Variants in KSR2 observed in about 807,000 individuals in gnomAD.
The protein encoded by KSR2 is kinase suppressor of ras 2.
Under a neutral mutation model 107.8 loss-of-function variants are expected in KSR2, and 25 were observed. That is an observed-to-expected ratio of 0.23 (90% CI 0.17 to 0.32). KSR2 has a LOEUF of 0.32. Among genes scored for constraint, KSR2 ranks in the 10% least tolerant of loss-of-function variants. KSR2 has a pLI of 1.00. For missense variants in KSR2, 887 were observed against 1,268.9 expected, an observed-to-expected ratio of 0.70 and a Z score of 4.57; for synonymous variants, 480 against 507.0, an observed-to-expected ratio of 0.95 and a Z score of 0.71.
intron 16 of KSR2, among the ~76,000 whole-genome samples, chr12:117,481,197 T>G (rs142973091): frequency 7.7e-4 from 118 of 152,292 alleles, no homozygotes; most frequent in Admixed American, 1.8e-3. Context: ...GTGAGGAAAC[T>G]AAGGATCAGG....
At chr12:117,579,083 T>A (rs1206080695) in intron 7 of KSR2, 36 bp downstream of exon 7, 2 of 1,472,028 alleles carry the variant, frequency 1.4e-6, no homozygotes, top group East Asian at 4.5e-5. Flanking sequence ...TGACATCGGG[T>A]GCTGCGAAAA....
intron 10 of KSR2, among the ~76,000 whole-genome samples, chr12:117,535,016 C>G (rs1248120228): frequency 6.6e-6 from 1 of 152,152 alleles, no homozygotes; most frequent in Non-Finnish European, 1.5e-5. Context: ...GATAATAAAC[C>G]TGTGTGCTTT....
intron 4 of KSR2, among the ~76,000 whole-genome samples, chr12:117,701,965 G>C (rs893458864): frequency 2.0e-5 from 3 of 152,196 alleles, no homozygotes; most frequent in Non-Finnish European, 4.4e-5. Context: ...GGGGTAATTT[G>C]TTATAGGAGC....
intron 1 of KSR2, among the ~76,000 whole-genome samples, chr12:117,952,178 CACACACAT>C (rs1424961961): frequency 3.3e-5 from 5 of 151,478 alleles, no homozygotes; most frequent in African/African-American, 7.3e-5. Context: ...CACACACACA[CACACACAT>C]ACACATACAC....
intron 1 of KSR2, among the ~76,000 whole-genome samples, chr12:117,884,025 T>C (rs540165100): frequency 6.6e-6 from 1 of 152,220 alleles, no homozygotes; most frequent in East Asian, 1.9e-4. Flanking sequence ...AGTGACATTA[T>C]CTGATAAAAC....
chr12:117,643,304 G>A (rs763586817), intron 5 of KSR2, among the ~76,000 whole-genome samples: 16 of 152,060 alleles, frequency 1.1e-4, no homozygotes, highest in Admixed American at 2.0e-4. Context: ...AAAATTAGCC[G>A]GGCATGGTGG....
intron 4 of KSR2, among the ~76,000 whole-genome samples, chr12:117,699,099 A>G (rs548503815): frequency 1.3e-5 from 2 of 152,286 alleles, no homozygotes; most frequent in South Asian, 4.1e-4. Flanking sequence ...CATTTTGTCT[A>G]TTCATTGGTT....
chr12:117,543,450 G>A (rs1198966909), intron 9 of KSR2, among the ~76,000 whole-genome samples: 1 of 152,138 alleles, frequency 6.6e-6, no homozygotes, highest in Non-Finnish European at 1.5e-5. Context: ...TATATAAGAA[G>A]TCTTGAGATC....
intron 5 of KSR2, among the ~76,000 whole-genome samples, chr12:117,662,331 C>T (rs985120288): frequency 6.6e-6 from 1 of 152,162 alleles, no homozygotes; most frequent in African/African-American, 2.4e-5. Flanking sequence ...GGCCTTAAGC[C>T]TCATTAAACC....
In KSR2 at chr12:117,757,857, G is replaced by A. The variant is rs187992815; in HGVS notation, c.986+3154C>T. On this transcript the variant is annotated intron_variant, in intron 4 of 19. Transcript: ENST00000339824. The stretch of plus-strand genomic sequence containing the variant: ...CTATGTACTGGGAAACCCAAAATTC[G>A]TGTCATTCACTTTGGGATCTTTATC... 7.9e-5 allele frequency among the ~76,000 whole-genome samples: 12 copies of A among 152,246 alleles called. No homozygotes were observed. In the East Asian group the frequency reaches 9.6e-4, roughly 12 times the overall value.
intron 16 of KSR2, 129 bp from the exon 17 acceptor site, chr12:117,476,724 AC>A: frequency 1.0e-6 from 1 of 978,512 alleles, no homozygotes; most frequent in Non-Finnish European, 1.4e-6. Flanking sequence ...GCACTGCCTG[AC>A]CACCTACTGG....
At chr12:117,521,640 C>T (rs2137227111) in intron 14 of KSR2, among the ~76,000 whole-genome samples, 2 of 152,342 alleles carry the variant, frequency 1.3e-5, no homozygotes, top group South Asian at 4.1e-4. Flanking sequence ...CTTAGAAATA[C>T]TTGTTAACTT....
At chr12:117,755,628 G>C (rs761885221) in intron 4 of KSR2, among the ~76,000 whole-genome samples, 1 of 152,122 alleles carries the variant, frequency 6.6e-6, no homozygotes, top group African/African-American at 2.4e-5. Flanking sequence ...CAACAATATT[G>C]AAATTAGCCT....
At chr12:117,913,814 AG>A (rs759621617) in intron 1 of KSR2, among the ~76,000 whole-genome samples, 63 of 152,240 alleles carry the variant, frequency 4.1e-4, no homozygotes, top group Non-Finnish European at 7.2e-4. Flanking sequence ...CAGCAGCCCT[AG>A]GAAATTAACA....
intron 3 of KSR2, 141 bp downstream of exon 3, chr12:117,855,287 C>T: frequency 9.4e-7 from 1 of 1,065,642 alleles, no homozygotes; most frequent in Admixed American, 2.3e-5. Context: ...GTCCACGCTG[C>T]CTCTTCCTGC....
intron 4 of KSR2, among the ~76,000 whole-genome samples, chr12:117,757,802 G>A (rs1181539935): frequency 1.3e-5 from 2 of 152,150 alleles, no homozygotes; most frequent in Non-Finnish European, 2.9e-5. Context: ...ACACTTAATA[G>A]ACTACAGTAT....
intron 9 of KSR2, among the ~76,000 whole-genome samples, chr12:117,553,500 T>G (rs568229850): frequency 6.6e-6 from 1 of 152,270 alleles, no homozygotes; most frequent in East Asian, 1.9e-4. Context: ...GGGGCAATCC[T>G]CTCTCTGTGT....
At chr12:117,509,618 G>T (rs1487643036) in intron 14 of KSR2, among the ~76,000 whole-genome samples, 2 of 152,172 alleles carry the variant, frequency 1.3e-5, no homozygotes, top group Admixed American at 6.5e-5. Context: ...GAACTGAGAC[G>T]CTCTGACAGT....
intron 4 of KSR2, among the ~76,000 whole-genome samples, chr12:117,742,815 G>T (rs1337252083): frequency 6.6e-6 from 1 of 152,166 alleles, no homozygotes; most frequent in Non-Finnish European, 1.5e-5. Flanking sequence ...AAGAAGACTT[G>T]TCATTCAGAG....
Sources: allele counts gnomAD v4.1 joint callset (sites outside exome capture counted in the v4.1 genomes callset), GRCh38; gene constraint gnomAD v4.1.1; transcripts MANE v1.5; gene names NCBI Gene and HGNC (gene_info 2026-07-23, HGNC 2026-07-21).